CD6: variants seen among roughly 807,000 people sequenced by gnomAD.
The protein encoded by CD6 is CD6 molecule.
Under a neutral mutation model 75.3 loss-of-function variants are expected in CD6, and 53 were observed. That is an observed-to-expected ratio of 0.70 (90% CI 0.56 to 0.88). The LOEUF (loss-of-function observed/expected upper bound fraction) is 0.88. Among genes scored for constraint, CD6 ranks in the 40% least tolerant of loss-of-function variants. The pLI, the probability that CD6 is intolerant of heterozygous loss-of-function variation, is 0.00. For synonymous variants in CD6, 359 were observed against 381.5 expected, an observed-to-expected ratio of 0.94 and a Z score of 0.69; for missense variants, 770 against 897.1, an observed-to-expected ratio of 0.86 and a Z score of 1.81.
At chr11:61,001,910 G>A (rs1484991268) in intron 1 of CD6, among the ~76,000 whole-genome samples, 2 of 152,224 alleles carry the variant, frequency 1.3e-5, no homozygotes, top group Non-Finnish European at 2.9e-5. Context: ...CCACCAGCCT[G>A]TGGAGCTGGC....
At chr11:60,984,525 C>A (rs550198200) in intron 1 of CD6, among the ~76,000 whole-genome samples, 1 of 152,328 alleles carries the variant, frequency 6.6e-6, no homozygotes, top group African/African-American at 2.4e-5. Flanking sequence ...TGTTGAGCTA[C>A]TAGTATGTGT....
chr11:60,994,457 C>CAAAAA lies in CD6; in HGVS notation c.50-12107_50-12103dup, dbSNP rs61349237. ...CTCATCCCCTCCCCAACACCCCCGCCAAAAAAAAAAAAAAGCTGAATTTCT... is the reference window on the plus strand; with the variant it reads ...CTCATCCCCTCCCCAACACCCCCGCCAAAAAAAAAAAAAAAAAAAGCTGAATTTCT... On this transcript the variant is annotated intron_variant, in intron 1 of 12. Coordinates refer to ENST00000313421, the MANE Select transcript of CD6 (RefSeq NM_006725.5). Among the ~76,000 whole-genome samples, 157 of 52,964 alleles carry CAAAAA rather than the reference C, an allele frequency of 3.0e-3. 5 individuals are homozygous for CAAAAA. The highest frequency in any genetic ancestry group is 0.012 in the African/African-American group (142 of 11,746). 34.7% of individuals were successfully genotyped at this position (52,964 alleles called of 152,430 possible).
intron 6 of CD6, among the ~76,000 whole-genome samples, chr11:61,012,490 G>A (rs942004536): frequency 1.3e-5 from 2 of 152,124 alleles, no homozygotes; most frequent in Non-Finnish European, 2.9e-5. Flanking sequence ...AGAGGGGAGA[G>A]GAGAAAATGA....
At position 61,015,759 on chromosome 11, in the gene CD6, A is replaced by G; in HGVS notation, c.1434A>G (p.Ser478=). 6.2e-7 allele frequency: 1 copy of G among 1,614,112 alleles called. No homozygotes were observed. The highest frequency in any genetic ancestry group is 1.7e-5 in the Admixed American group (1 of 60,004). Residue 478 remains serine (S), a synonymous_variant, in exon 9 of 13, where the codon TCA becomes TCG. Coordinates refer to ENST00000313421, the MANE Select transcript of CD6 (RefSeq NM_006725.5). ...IQVQAPPPED[S]DSGSDSDYEH... is the part of the protein sequence containing the mutation. Reference sequence around the variant, plus strand: ...TCCAGGCCCCGCCCCCTGAGGACTCAGACTCTGGCTCGGACTCAGACTATG... The same window carrying G: ...TCCAGGCCCCGCCCCCTGAGGACTCGGACTCTGGCTCGGACTCAGACTATG...
chr11:61,006,320 C>T (rs1858855161), intron 1 of CD6, among the ~76,000 whole-genome samples: 1 of 152,206 alleles, frequency 6.6e-6, no homozygotes, highest in Admixed American at 6.5e-5. Context: ...TGCCTTTCCT[C>T]CCTGTTCTAC....
At chr11:60,990,794 G>A (rs1412911874) in intron 1 of CD6, among the ~76,000 whole-genome samples, 2 of 45,534 alleles carry the variant, frequency 4.4e-5, no homozygotes, top group Admixed American at 3.9e-4. Context: ...TATATAAATT[G>A]TACCCTACTG....
intron 3 of CD6, among the ~76,000 whole-genome samples, chr11:61,008,165 G>T (rs892899556): frequency 6.6e-6 from 1 of 152,054 alleles, no homozygotes; most frequent in Non-Finnish European, 1.5e-5. Context: ...GGTTCCCAAA[G>T]CTAACCCGGT....
intron 12 of CD6, 162 bp downstream of exon 12, chr11:61,018,555 A>T (rs1859536431): frequency 1.6e-6 from 1 of 616,086 alleles, no homozygotes; most frequent in South Asian, 2.0e-5. Context: ...AAGGCCAGGC[A>T]TGGTAGCTCA....
intron 1 of CD6, among the ~76,000 whole-genome samples, chr11:60,986,665 C>T (rs1857829233): frequency 6.6e-6 from 1 of 152,308 alleles, no homozygotes; most frequent in East Asian, 1.9e-4. Flanking sequence ...GGACACATCT[C>T]TCCCTCTTAC....
In CD6 at chr11:61,000,078, T is replaced by C. The variant is rs866428854; in HGVS notation, c.50-6496T>C. On this transcript the variant is annotated intron_variant, in intron 1 of 12. Transcript: ENST00000313421. ...ATGGCAAAATAAAAATAAAAATAAA[T>C]ATAAATATAAATATAAAAAACCAGC... 2.7e-5 allele frequency among the ~76,000 whole-genome samples: 4 copies of C among 149,738 alleles called. No individual in the cohort carries two copies. In the East Asian group the frequency reaches 7.7e-4, roughly 29 times the overall value.
intron 1 of CD6, among the ~76,000 whole-genome samples, chr11:60,973,874 A>G (rs923937755): frequency 7.2e-5 from 11 of 152,118 alleles, no homozygotes; most frequent in African/African-American, 2.7e-4. Flanking sequence ...TCCAGGCAGG[A>G]GGAAGACTGC....
At chr11:60,988,702 G>C (rs1857926333) in intron 1 of CD6, among the ~76,000 whole-genome samples, 2 of 152,168 alleles carry the variant, frequency 1.3e-5, no homozygotes, top group South Asian at 2.1e-4. Flanking sequence ...ATCTCAAGGG[G>C]GCCTTCTCTT....
At chr11:60,999,841 G>A (rs1242042828) in intron 1 of CD6, among the ~76,000 whole-genome samples, 3 of 151,984 alleles carry the variant, frequency 2.0e-5, no homozygotes, top group East Asian at 3.9e-4. Context: ...GAAGCCAGGC[G>A]TTCGAGATCA....
intron 1 of CD6, among the ~76,000 whole-genome samples, chr11:60,997,428 AT>A (rs1858357644): frequency 6.7e-6 from 1 of 149,360 alleles, no homozygotes; most frequent in African/African-American, 2.4e-5. Context: ...AAATAAATAA[AT>A]TTTTAGCAGC....
Position 61,008,776 on chromosome 11 carries a change from T to TGGGACTGCCC in CD6, c.716_725dup (p.Gln246AlafsTer30). 3 of 1,599,572 alleles carry TGGGACTGCCC rather than the reference T, an allele frequency of 1.9e-6. No individual in the cohort carries two copies. Among genetic ancestry groups the TGGGACTGCCC allele is most frequent in the Non-Finnish European group, 2.6e-6 (3 of 1,170,854 alleles). The stretch of plus-strand genomic sequence containing the variant: ...CTGCTCGGGGGCCGAAGCTTACCTG[T>TGGGACTGCCC]GGGACTGCCCGGGGCTGCCAGGACA... On this transcript the variant is annotated frameshift_variant, in exon 4 of 13. Transcript: ENST00000313421. LOFTEE classifies it high-confidence loss of function.
intron 1 of CD6, among the ~76,000 whole-genome samples, chr11:60,979,902 G>A (rs963363469): frequency 1.3e-5 from 2 of 152,172 alleles, no homozygotes; most frequent in Admixed American, 6.5e-5. Context: ...GCACCACCCC[G>A]GGATAGGTGT....
At chr11:61,011,455 G>T (rs189004701) in intron 6 of CD6, among the ~76,000 whole-genome samples, 3 of 152,274 alleles carry the variant, frequency 2.0e-5, no homozygotes, top group Admixed American at 2.0e-4. Context: ...TCAAGCAGGG[G>T]TCAGGGTCGG....
intron 1 of CD6, among the ~76,000 whole-genome samples, chr11:61,006,004 A>G (rs1356045038): frequency 1.3e-5 from 2 of 152,202 alleles, no homozygotes; most frequent in South Asian, 2.1e-4. Flanking sequence ...CCTGTCCTTC[A>G]TGAATGCTAG....
At chr11:61,013,353 G>C (rs1351366090) in intron 6 of CD6, 70 bp from the exon 7 acceptor site, 1 of 1,555,992 alleles carries the variant, frequency 6.4e-7, no homozygotes, top group African/African-American at 1.4e-5. Flanking sequence ...GCTTTACAGA[G>C]AATGGAAAGG....
Sources: allele counts gnomAD v4.1 joint callset (sites outside exome capture counted in the v4.1 genomes callset), GRCh38; gene constraint gnomAD v4.1.1; transcripts MANE v1.5; gene names NCBI Gene and HGNC (gene_info 2026-07-23, HGNC 2026-07-21).